CDC42BPB: variants seen among roughly 807,000 people sequenced by gnomAD.
CDC42BPB encodes CDC42 binding protein kinase beta, also known as serine/threonine-protein kinase MRCK beta.
Under a neutral mutation model 214.9 loss-of-function variants are expected in CDC42BPB, and 37 were observed. The ratio of observed to expected loss-of-function variants is 0.17; its 90% CI spans 0.13 to 0.23. The LOEUF (loss-of-function observed/expected upper bound fraction) is 0.23. CDC42BPB is among the 10% of genes least tolerant of loss of function. The pLI is 1.00. For missense variants in CDC42BPB, 1,694 were observed against 2,227.0 expected (o/e 0.76, Z 4.82); for synonymous variants, 931 against 884.0 (o/e 1.05, Z -0.94).
chr14:103,005,933 C>T (rs1304416070), intron 3 of CDC42BPB, among the ~76,000 whole-genome samples: 2 of 148,280 alleles, frequency 1.3e-5, no homozygotes, highest in Non-Finnish European at 3.0e-5. Context: ...GGCAGAGAAT[C>T]GTTTGAACGC....
chr14:102,947,786 C>A lies in CDC42BPB; in HGVS notation c.3466G>T (p.Val1156Leu). 1 of 1,612,518 alleles carries A rather than the reference C, an allele frequency of 6.2e-7. No individual in the cohort carries two copies. The highest frequency in any genetic ancestry group is 8.5e-7 in the Non-Finnish European group (1 of 1,179,840). Reference sequence around the variant, plus strand: ...ACATCTGAGGCCAGGACTGAGCTCACGGAAAACTCGTCATCTCTGGTAAGG... The same window carrying A: ...ACATCTGAGGCCAGGACTGAGCTCAAGGAAAACTCGTCATCTCTGGTAAGG... ...VLDLRDDEFS[V>L]SSVLASDVIH... Residue 1156 changes from valine (V) to leucine (L), a missense_variant, in exon 27 of 37, where the codon GTG (valine) becomes TTG (leucine). By Grantham distance (32) the Val-to-Leu change is conservative. Around this residue, in one of 7 missense-constraint regions of CDC42BPB, gnomAD observed 567 missense variants for 790.3 expected, o/e 0.72. Transcript: ENST00000361246.
intron 1 of CDC42BPB, among the ~76,000 whole-genome samples, chr14:103,014,582 T>A (rs35032793): frequency 0.038 from 5,854 of 152,218 alleles, 152 homozygotes; most frequent in South Asian, 0.063. Flanking sequence ...AGTTCCATAT[T>A]ATTAATCTGA....
At chr14:102,948,806 C>G (rs1892342026) in intron 26 of CDC42BPB, among the ~76,000 whole-genome samples, 1 of 151,874 alleles carries the variant, frequency 6.6e-6, no homozygotes, top group Admixed American at 6.6e-5. Context: ...TCCGATGGGG[C>G]CCCTGACTTG....
At position 102,954,498 on chromosome 14, in the gene CDC42BPB, C is replaced by T. The variant is rs563778051; in HGVS notation, c.2988+104G>A. Reference sequence around the variant, plus strand: ...TGGGCTTGAGCACCTGGGCAGAGGCCCTCGCTGCAAACTGTTATGCAGGGG... The same window carrying T: ...TGGGCTTGAGCACCTGGGCAGAGGCTCTCGCTGCAAACTGTTATGCAGGGG... On this transcript the variant is annotated intron_variant, in intron 22 of 36. Transcript: ENST00000361246. 7 of 1,376,882 alleles carry T rather than the reference C, an allele frequency of 5.1e-6. No individual in the cohort carries two copies. The African/African-American group carries it at 8.6e-5, about 17-fold the overall frequency. 85.3% of individuals were successfully genotyped at this position (1,376,882 alleles called of 1,614,324 possible). A position where few individuals can be genotyped will look rare whatever the true frequency, so the allele number is the denominator to read the frequency against.
intron 1 of CDC42BPB, among the ~76,000 whole-genome samples, chr14:103,053,306 C>T (rs1036308985): frequency 2.0e-5 from 3 of 151,674 alleles, no homozygotes; most frequent in African/African-American, 7.3e-5. Context: ...AAGATCGCAC[C>T]ACTGCACTTC....
chr14:103,011,674 G>A (rs1886167877), intron 2 of CDC42BPB, among the ~76,000 whole-genome samples: 1 of 152,146 alleles, frequency 6.6e-6, no homozygotes, highest in African/African-American at 2.4e-5. Context: ...AACCCAGAAG[G>A]CAAAGGTTGC....
At chr14:103,025,584 G>A (rs533240066) in intron 1 of CDC42BPB, among the ~76,000 whole-genome samples, 14 of 151,870 alleles carry the variant, frequency 9.2e-5, no homozygotes, top group Non-Finnish European at 1.3e-4. Context: ...TTGGGAAGCC[G>A]AGGCGGGTGG....
intron 1 of CDC42BPB, among the ~76,000 whole-genome samples, chr14:103,050,685 A>G (rs544127180): frequency 6.6e-6 from 1 of 152,246 alleles, no homozygotes; most frequent in Admixed American, 6.5e-5. Flanking sequence ...TGAGCCTGGG[A>G]AGTCAAGGCT....
At chr14:103,026,854 T>C (rs940859676) in intron 1 of CDC42BPB, among the ~76,000 whole-genome samples, 3 of 146,442 alleles carry the variant, frequency 2.0e-5, no homozygotes, top group African/African-American at 7.6e-5. Context: ...GGCGACAGAG[T>C]GAGACTCCGT....
At chr14:102,987,800 C>CACAA (rs1339483936) in intron 5 of CDC42BPB, among the ~76,000 whole-genome samples, 1 of 151,354 alleles carries the variant, frequency 6.6e-6, no homozygotes, top group Non-Finnish European at 1.5e-5. Context: ...CACACACACA[C>CACAA]ACACACACAC....
chr14:102,967,196 A>G (rs1356357326), intron 16 of CDC42BPB, 26 bp from the exon 17 acceptor site: 1 of 1,598,374 alleles, frequency 6.3e-7, no homozygotes, highest in Non-Finnish European at 8.6e-7. Flanking sequence ...TTCACCACAG[A>G]ACTTGTTAAT....
intron 20 of CDC42BPB, among the ~76,000 whole-genome samples, chr14:102,962,535 T>C (rs1893007755): frequency 6.6e-6 from 1 of 152,194 alleles, no homozygotes; most frequent in African/African-American, 2.4e-5. Flanking sequence ...TTGTGTGGAT[T>C]TGCCATATGC....
chr14:102,949,613 T>A, intron 26 of CDC42BPB, 152 bp downstream of exon 26: 1 of 959,162 alleles, frequency 1.0e-6, no homozygotes, highest in Non-Finnish European at 1.5e-6. Context: ...CCTGAAGTCA[T>A]GACTAAGCTG....
In CDC42BPB at chr14:102,938,266, C is replaced by T. The variant is rs200590802; in HGVS notation, c.4933+40G>A. On this transcript the variant is annotated intron_variant, in intron 35 of 36. Coordinates refer to ENST00000361246, the MANE Select transcript of CDC42BPB (RefSeq NM_006035.4). ...CCCCATTCCAGCACCCCCTACCCCC[C>T]ACCTCCCCCAGGGCTGCGGGGGCCA... 1,788 of 1,599,790 alleles carry T rather than the reference C, an allele frequency of 1.1e-3. 47 individuals carry two copies. The South Asian group carries it at 0.018, about 16-fold the overall frequency.
Position 103,057,328 on chromosome 14 carries a change from G to A in CDC42BPB, c.-155C>T. On this transcript the variant is annotated 5_prime_UTR_variant, in exon 1 of 37. Transcript: ENST00000361246. ...GCGTCGTCGCGCCCCGGCCTAGGCC[G>A]ACATCTTGGGCTCCGTCCCGACGGC... is the stretch of plus-strand genomic sequence containing the variant. 9.6e-7 allele frequency: 1 copy of A among 1,038,162 alleles called. No individual in the cohort carries two copies. Among genetic ancestry groups the A allele is most frequent in the Non-Finnish European group, 1.2e-6 (1 of 866,370 alleles). The allele number at this position is 1,038,162 out of a possible 1,614,324, so 64.3% of individuals were successfully genotyped here. A position where few individuals can be genotyped will look rare whatever the true frequency, so the allele number is the denominator to read the frequency against.
chr14:102,989,680 C>T (rs1364213454), intron 5 of CDC42BPB, among the ~76,000 whole-genome samples: 1 of 152,062 alleles, frequency 6.6e-6, no homozygotes, highest in Non-Finnish European at 1.5e-5. Flanking sequence ...TGAGACCAGC[C>T]TCACCAACAT....
intron 13 of CDC42BPB, 116 bp downstream of exon 13, chr14:102,971,803 T>G: frequency 2.0e-6 from 2 of 1,021,652 alleles, no homozygotes; most frequent in Non-Finnish European, 2.9e-6. Context: ...CTTACTTGGC[T>G]CCACAGAAAA....
intron 3 of CDC42BPB, 132 bp downstream of exon 3, chr14:103,008,340 G>C: frequency 1.5e-6 from 1 of 650,010 alleles, no homozygotes; most frequent in Non-Finnish European, 2.8e-6. Flanking sequence ...TCAAAAGAGA[G>C]TGCTCGCTCT....
rs1172213637 is a variant in CDC42BPB, at chr14:102,964,591, C to A, written c.2637G>T (p.Leu879=). The change falls in exon 19 of 37, where the codon CTG becomes CTT. Residue 879 remains leucine, a synonymous_variant. Coordinates refer to ENST00000361246, the MANE Select transcript of CDC42BPB (RefSeq NM_006035.4). ...GGATCTCCGCCTCCAGGGCCGACTGCAGCTCCAGCCGCGCGGACATGTCCA... is the reference window on the plus strand; with the variant it reads ...GGATCTCCGCCTCCAGGGCCGACTGAAGCTCCAGCCGCGCGGACATGTCCA... The part of the protein sequence containing the change: ...QKLDMSARLE[L]QSALEAEIRA... 1.4e-5 allele frequency: 23 copies of A among 1,613,908 alleles called. 1 individual carries two copies. Among genetic ancestry groups the A allele is most frequent in the Non-Finnish European group, 1.9e-5 (23 of 1,180,006 alleles).
Sources: allele counts gnomAD v4.1 joint callset (sites outside exome capture counted in the v4.1 genomes callset), GRCh38; gene constraint gnomAD v4.1.1; regional missense constraint gnomAD v4.1.1; transcripts MANE v1.5; gene names NCBI Gene and HGNC (gene_info 2026-07-23, HGNC 2026-07-21).